RAMP1: variants seen among roughly 807,000 people sequenced by gnomAD.
The protein encoded by RAMP1 is receptor activity modifying protein 1.
Under a neutral mutation model 8.2 loss-of-function variants are expected in RAMP1, and 7 were observed. The ratio of observed to expected loss-of-function variants is 0.85; its 90% CI spans 0.49 to 1.60. The LOEUF (loss-of-function observed/expected upper bound fraction) is 1.60. Among genes scored for constraint, RAMP1 ranks in the 40% most tolerant of loss-of-function variants. The probability of loss-of-function intolerance (pLI) is 0.00; values close to 1 mark genes in which losing one functional copy is unlikely to be tolerated. For synonymous variants in RAMP1, 92 were observed against 84.7 expected (o/e 1.09, Z -0.47); for missense variants, 192 against 202.4 (o/e 0.95, Z 0.31).
At position 237,872,914 on chromosome 2, in the gene RAMP1, G is replaced by A. The variant is rs140822077; in HGVS notation, c.53-4310G>A. ...ATGTGCCTCTGGTCCCAGCTACTTGGGAGGCTGAGGTGGAAGGATTGCCTA... is the reference window on the plus strand; with the variant it reads ...ATGTGCCTCTGGTCCCAGCTACTTGAGAGGCTGAGGTGGAAGGATTGCCTA... On this transcript the variant is annotated intron_variant, in intron 1 of 2. Transcript: ENST00000254661. Among the ~76,000 whole-genome samples, 349 of 152,322 alleles carry A rather than the reference G, an allele frequency of 2.3e-3. 3 individuals carry two copies. The highest frequency in any genetic ancestry group is 7.7e-3 in the African/African-American group (321 of 41,572).
rs755417859 is a variant in RAMP1 at position 237,911,564 on chromosome 2, G to A, written c.228G>A (p.Met76Ile). The A allele has an allele frequency of 3.1e-6, 5 of 1,614,144 alleles. No individual in the cohort carries two copies. The South Asian group carries it at 5.5e-5, about 18-fold the overall frequency. The change falls in exon 3 of 3, where the codon ATG becomes ATA. Residue 76 changes from methionine to isoleucine, a missense_variant. Physicochemically the swap from Met to Ile is conservative, Grantham distance 10 (BLOSUM62 1). Coordinates refer to ENST00000254661, the MANE Select transcript of RAMP1 (RefSeq NM_005855.4). ...YRELADCTWH[M>I]AEKLGCFWPN... ...AGCTGGCCGACTGCACCTGGCACATGGCGGAGAAGCTGGGCTGCTTCTGGC... is the reference window on the plus strand; with the variant it reads ...AGCTGGCCGACTGCACCTGGCACATAGCGGAGAAGCTGGGCTGCTTCTGGC...
At chr2:237,902,127 G>A (rs1035916044) in intron 2 of RAMP1, among the ~76,000 whole-genome samples, 4 of 152,108 alleles carry the variant, frequency 2.6e-5, no homozygotes, top group African/African-American at 9.7e-5. Context: ...GGCCGAGAGA[G>A]AAGGAGCACT....
At chr2:237,888,005 A>AT (rs1402440902) in intron 2 of RAMP1, among the ~76,000 whole-genome samples, 2 of 149,748 alleles carry the variant, frequency 1.3e-5, no homozygotes, top group Non-Finnish European at 2.9e-5. Context: ...GGGAGAAATA[A>AT]TTCATGCAAG....
chr2:237,867,013 GC>G (rs2062194213), intron 1 of RAMP1, among the ~76,000 whole-genome samples: 1 of 152,230 alleles, frequency 6.6e-6, no homozygotes, highest in Non-Finnish European at 1.5e-5. Context: ...ACAGGCGTGA[GC>G]CACTGTGCCC....
intron 2 of RAMP1, among the ~76,000 whole-genome samples, chr2:237,896,185 C>T (rs1490327026): frequency 2.0e-5 from 3 of 152,224 alleles, no homozygotes; most frequent in Non-Finnish European, 2.9e-5. Flanking sequence ...TTTAAAACTG[C>T]ACTTCATTTG....
intron 1 of RAMP1, among the ~76,000 whole-genome samples, chr2:237,867,986 GA>G (rs1213351245): frequency 1.3e-5 from 2 of 151,652 alleles, no homozygotes; most frequent in Non-Finnish European, 2.9e-5. Flanking sequence ...TCATGGTGTA[GA>G]AAATTGGCAA....
At chr2:237,861,019 A>T (rs1344701279) in intron 1 of RAMP1, among the ~76,000 whole-genome samples, 1 of 152,218 alleles carries the variant, frequency 6.6e-6, no homozygotes, top group Non-Finnish European at 1.5e-5. Flanking sequence ...TTGGCTTGAC[A>T]TGGCCTTCAC....
chr2:237,893,972 T>TTC (rs2062512457), intron 2 of RAMP1, among the ~76,000 whole-genome samples: 1 of 140,822 alleles, frequency 7.1e-6, no homozygotes, highest in African/African-American at 2.6e-5. Context: ...AATACTTTCT[T>TTC]TTTTTTTTTT....
rs1022649150 is a variant in RAMP1, at chr2:237,877,911, G to T, written c.191+549G>T. On this transcript the variant is annotated intron_variant, in intron 2 of 2. Coordinates refer to ENST00000254661, the MANE Select transcript of RAMP1 (RefSeq NM_005855.4). The surrounding 1 kb of genome is among the most constrained non-coding windows in gnomAD (Gnocchi z 4.4). ...CTCCTGCCCAAGGGCCCTTCTTCCC[G>T]CTTGAGGGGCTCCCTCATTGCCTCC... 6.1e-6 allele frequency: 6 copies of T among 975,636 alleles called. No homozygotes were observed. Among genetic ancestry groups the T allele is most frequent in the African/African-American group, 3.5e-5 (2 of 57,158 alleles). The allele number at this position is 975,636 out of a possible 1,614,324, so 60.4% of individuals were successfully genotyped here. A position where few individuals can be genotyped will look rare whatever the true frequency, so the allele number is the denominator to read the frequency against.
At chr2:237,871,838 G>A (rs1476375237) in intron 1 of RAMP1, among the ~76,000 whole-genome samples, 1 of 152,182 alleles carries the variant, frequency 6.6e-6, no homozygotes, top group Admixed American at 6.5e-5. Flanking sequence ...TCCAACCTAG[G>A]CAGCAGAGTG....
intron 2 of RAMP1, among the ~76,000 whole-genome samples, chr2:237,893,254 T>C (rs983701750): frequency 6.6e-6 from 1 of 152,166 alleles, no homozygotes; most frequent in African/African-American, 2.4e-5. Context: ...GGGATTGTGA[T>C]TTATGTATAT....
intron 2 of RAMP1, among the ~76,000 whole-genome samples, chr2:237,895,402 G>C (rs1474215142): frequency 6.6e-6 from 1 of 152,124 alleles, no homozygotes; most frequent in Non-Finnish European, 1.5e-5. Flanking sequence ...AAACACCGAG[G>C]CTCCGTAACT....
intron 1 of RAMP1, among the ~76,000 whole-genome samples, chr2:237,871,463 G>C (rs535206198): frequency 6.6e-6 from 1 of 152,180 alleles, no homozygotes; most frequent in Non-Finnish European, 1.5e-5. Context: ...GATGCTCACC[G>C]GGGACAGAGG....
At chr2:237,911,366 G>T (rs2062710485) in intron 2 of RAMP1, among the ~76,000 whole-genome samples, 162 bp from the exon 3 acceptor site, 1 of 152,232 alleles carries the variant, frequency 6.6e-6, no homozygotes, top group African/African-American at 2.4e-5. Context: ...GAGCCATCGG[G>T]CCCCTGCCCT....
Position 237,859,688 on chromosome 2 carries a change from C to A in RAMP1, c.13C>A (p.Leu5Met). 6.6e-7 allele frequency: 1 copy of A among 1,511,654 alleles called. No homozygotes were observed. Among genetic ancestry groups the A allele is most frequent in the Non-Finnish European group, 8.8e-7 (1 of 1,130,886 alleles). 93.6% of individuals were successfully genotyped at this position (1,511,654 alleles called of 1,614,324 possible). A position where few individuals can be genotyped will look rare whatever the true frequency, so the allele number is the denominator to read the frequency against. ...ACCGCTGTGCACCATGGCCCGGGCCCTGTGCCGCCTCCCGCGGCGCGGCCT... is the reference window on the plus strand; with the variant it reads ...ACCGCTGTGCACCATGGCCCGGGCCATGTGCCGCCTCCCGCGGCGCGGCCT... MARA[L>M]CRLPRRGLWL... Residue 5 changes from leucine (L) to methionine (M), a missense_variant, in exon 1 of 3, where the codon CTG becomes ATG. Transcript: ENST00000254661.
In RAMP1 at chr2:237,877,189, C is replaced by T. The variant is rs138140919; in HGVS notation, c.53-35C>T. On this transcript the variant is annotated intron_variant, in intron 1 of 2. Transcript: ENST00000254661. This position sits in a 1 kb window ranked among gnomAD's most constrained non-coding sequence, Gnocchi z 4.4. ...GGTGATACCCCTAGGCCTCTGCTGC[C>T]GCCCGCCATCTCTTCATGGCCGTGT... 23 of 1,612,418 alleles carry T rather than the reference C, an allele frequency of 1.4e-5. No homozygotes were observed. The highest frequency in any genetic ancestry group is 6.7e-5 in the East Asian group (3 of 44,872).
chr2:237,879,711 C>A (rs1486234588), intron 2 of RAMP1, among the ~76,000 whole-genome samples: 1 of 148,122 alleles, frequency 6.8e-6, no homozygotes, highest in African/African-American at 2.5e-5. Context: ...AAAATCTGAC[C>A]GGGCACTGTG....
intron 1 of RAMP1, among the ~76,000 whole-genome samples, chr2:237,872,362 G>T (rs1233486712): frequency 6.6e-6 from 1 of 152,224 alleles, no homozygotes; most frequent in Non-Finnish European, 1.5e-5. Context: ...CTGTGCTCTT[G>T]GGCATTAGTG....
At chr2:237,876,990 C>T (rs555592702) in intron 1 of RAMP1, among the ~76,000 whole-genome samples, 3 of 152,300 alleles carry the variant, frequency 2.0e-5, no homozygotes, top group Admixed American at 6.5e-5. Context: ...TGCCCTGGCC[C>T]AAGCTGGCAC....
Sources: allele counts gnomAD v4.1 joint callset (sites outside exome capture counted in the v4.1 genomes callset), GRCh38; gene constraint gnomAD v4.1.1; non-coding constraint Gnocchi (gnomAD v3.1); transcripts MANE v1.5; gene names NCBI Gene and HGNC (gene_info 2026-07-23, HGNC 2026-07-21).